The following ZNF394 variants were observed in gnomAD, a reference collection of about 807,000 sequenced individuals.
ZNF394 encodes the protein zinc finger protein 99.
ZNF394 carries 19 observed loss-of-function variants against 21.8 expected under a neutral mutation model. The observed-to-expected ratio is 0.87, with a 90% CI of 0.61 to 1.28. The LOEUF (loss-of-function observed/expected upper bound fraction) is 1.28. Ranked by LOEUF, ZNF394 falls within the 50% of genes most tolerant of loss-of-function variation. ZNF394 has a pLI of 0.00. For missense variants in ZNF394, 683 were observed against 708.6 expected (o/e 0.96, Z 0.41); for synonymous variants, 294 against 273.3 (o/e 1.08, Z -0.75).
rs891723692 is a variant in ZNF394 at position 99,500,265 on chromosome 7, G to A, written c.-172C>T. The A allele has an allele frequency of 1.7e-6, 1 of 590,240 alleles. No homozygotes were observed. The highest frequency in any genetic ancestry group is 2.7e-6 in the Non-Finnish European group (1 of 364,874). The allele number at this position is 590,240 out of a possible 1,614,324, so 36.6% of individuals were successfully genotyped here. A position where few individuals can be genotyped will look rare whatever the true frequency, so the allele number is the denominator to read the frequency against. The stretch of plus-strand genomic sequence containing the variant: ...CAGCTTTGCGCCTACAACTCTCTCG[G>A]TCAAACAACCGAAAACATCCCGTGC... On this transcript the variant is annotated 5_prime_UTR_variant, in exon 1 of 3. Transcript: ENST00000337673.
chr7:99,497,640 G>A (rs1394296588), intron 2 of ZNF394, among the ~76,000 whole-genome samples: 1 of 151,980 alleles, frequency 6.6e-6, no homozygotes, highest in African/African-American at 2.4e-5. Flanking sequence ...GAGGCAGGAG[G>A]ATCACCTGAG....
Position 99,500,069 on chromosome 7 carries a change from T to C in ZNF394, c.25A>G (p.Arg9Gly). The C allele has an allele frequency of 6.4e-7, 1 of 1,571,496 alleles. No individual in the cohort carries two copies. Among genetic ancestry groups the C allele is most frequent in the Non-Finnish European group, 8.6e-7 (1 of 1,163,526 alleles). Residue 9 changes from arginine (R) to glycine (G), a missense_variant, in exon 1 of 3, where the codon AGG becomes GGG. Arg to Gly is a moderately radical substitution (Grantham distance 125). Coordinates refer to ENST00000337673, the MANE Select transcript of ZNF394 (RefSeq NM_032164.4). Reference sequence around the variant, plus strand: ...CCCAACTCGGCGTCACTGCCGCGCCTCTGGGCGGTCAAGCTGGAATTCATC... The same window carrying C: ...CCCAACTCGGCGTCACTGCCGCGCCCCTGGGCGGTCAAGCTGGAATTCATC... MNSSLTAQ[R>G]RGSDAELGPW...
chr7:99,499,811 G>C lies in ZNF394; in HGVS notation c.283C>G (p.Pro95Ala). 1.9e-6 allele frequency: 3 copies of C among 1,614,170 alleles called. No homozygotes were observed. Among genetic ancestry groups the C allele is most frequent in the Non-Finnish European group, 2.5e-6 (3 of 1,180,040 alleles). Residue 95 changes from proline (P) to alanine (A), a missense_variant, in exon 1 of 3, where the codon CCC becomes GCC. Around this residue, in one of 3 missense-constraint regions of ZNF394, gnomAD observed 402 missense variants for 373.8 expected, o/e 1.08. Coordinates refer to ENST00000337673, the MANE Select transcript of ZNF394 (RefSeq NM_032164.4). ...LRELCRRWLRPELLSKEQILE... is the reference protein window; with the variant it reads ...LRELCRRWLRAELLSKEQILE... Reference sequence around the variant, plus strand: ...ATCTGCTCCTTGGAGAGCAGCTCGGGTCTCAGCCACCGACGACAGAGTTCT... The same window carrying C: ...ATCTGCTCCTTGGAGAGCAGCTCGGCTCTCAGCCACCGACGACAGAGTTCT...
At chr7:99,488,375 A>G (rs149868326), downstream of ZNF394, among the ~76,000 whole-genome samples, 5,123 of 151,446 alleles carry the variant, frequency 0.034, 101 homozygotes, top group Admixed American at 0.047. Context: ...CTCTACTGAA[A>G]ATACAAAAAT....
Position 99,500,145 on chromosome 7 carries a change from A to C in ZNF394, c.-52T>G. The C allele has an allele frequency of 1.3e-6, 2 of 1,501,152 alleles. No homozygotes were observed. The highest frequency in any genetic ancestry group is 1.3e-5 in the South Asian group (1 of 75,152). The allele number at this position is 1,501,152 out of a possible 1,614,324, so 93.0% of individuals were successfully genotyped here. On this transcript the variant is annotated 5_prime_UTR_variant, in exon 1 of 3. Coordinates refer to ENST00000337673, the MANE Select transcript of ZNF394 (RefSeq NM_032164.4). ...TGGAGTCTTCTTTTCAGGTGAAGAA[A>C]GAGCAAACCCAAGGAACTCATCAGC... is the stretch of plus-strand genomic sequence containing the variant.
chr7:99,487,042 A>G (rs1487176884), intron 1 of ZNF394: 1 of 1,614,084 alleles, frequency 6.2e-7, no homozygotes, highest in African/African-American at 1.3e-5. Context: ...ACATAAGAGG[A>G]TTCACACCAA....
chr7:99,487,314 C>A lies in ZNF394; in HGVS notation n.84-351G>T, dbSNP rs1275697458. On this transcript the variant is annotated intron_variant and non_coding_transcript_variant, in intron 1 of 1. Coordinates refer to the ZNF394 transcript ENST00000462024. ...AAAGAATCCATACAAAGGAGGAATT[C>A]TTTCAATGTGGAGAATGTGGGAAAA... 1.2e-6 allele frequency: 2 copies of A among 1,614,192 alleles called. No individual in the cohort carries two copies. Among genetic ancestry groups the A allele is most frequent in the Admixed American group, 1.7e-5 (1 of 60,022 alleles).
At position 99,499,663 on chromosome 7, in the gene ZNF394, C is replaced by A. The variant is rs767152207; in HGVS notation, c.431G>T (p.Arg144Leu). 1.9e-6 allele frequency: 3 copies of A among 1,603,204 alleles called. No homozygotes were observed. The South Asian group carries it at 3.3e-5, about 18-fold the overall frequency. The change falls in exon 1 of 3, where the codon CGA (arginine) becomes CTA (leucine). Residue 144 changes from arginine to leucine, a missense_variant. By Grantham distance (102) the Arg-to-Leu change is moderately radical. Coordinates refer to ENST00000337673, the MANE Select transcript of ZNF394 (RefSeq NM_032164.4). Reference protein sequence around the residue: ...EAVAVVRALQRALDGTSSQGM... With the variant: ...EAVAVVRALQLALDGTSSQGM... The stretch of plus-strand genomic sequence containing the variant: ...CTGGGATGAGGTTCCATCGAGCGCT[C>A]GCTGCAGAGCCCGCACCACGGCCAC...
At chr7:99,497,192 G>A (rs1179329946) in intron 2 of ZNF394, among the ~76,000 whole-genome samples, 4 of 135,838 alleles carry the variant, frequency 2.9e-5, no homozygotes, top group Non-Finnish European at 4.6e-5. Context: ...ACGGAGTCTT[G>A]CTCTGTCACC....
At chr7:99,497,171 T>C (rs1399020521) in intron 2 of ZNF394, among the ~76,000 whole-genome samples, 1 of 143,284 alleles carries the variant, frequency 7.0e-6, no homozygotes, top group Non-Finnish European at 1.5e-5. Context: ...GTTTTTTCTT[T>C]TTTTTTTGAG....
chr7:99,499,343 T>A (rs1359598605), intron 1 of ZNF394, among the ~76,000 whole-genome samples: 1 of 146,358 alleles, frequency 6.8e-6, no homozygotes, highest in Non-Finnish European at 1.5e-5. Context: ...GCCATTGCAC[T>A]CCAGCCTGGG....
rs1800056773 is a variant in ZNF394, at chr7:99,487,854, CG to C, written n.84-892del. ...TTGGGAGGCCGAGGTGGGCGGATCA[CG>C]AGGTCAGGAGATCAAGACCATCCTG... On this transcript the variant is annotated intron_variant and non_coding_transcript_variant, in intron 1 of 1. Transcript: ENST00000462024. 3.3e-5 allele frequency among the ~76,000 whole-genome samples: 5 copies of C among 151,728 alleles called. No homozygotes were observed. The South Asian group carries it at 8.3e-4, about 25-fold the overall frequency.
intron 2 of ZNF394, among the ~76,000 whole-genome samples, chr7:99,497,142 G>A (rs13438223): frequency 0.21 from 22,175 of 103,988 alleles, 3,944 homozygotes; most frequent in African/African-American, 0.57. Context: ...ATATATATAT[G>A]TATATATATA....
intron 1 of ZNF394, among the ~76,000 whole-genome samples, chr7:99,499,302 G>C (rs1800441154): frequency 1.3e-5 from 2 of 151,730 alleles, no homozygotes; most frequent in South Asian, 4.2e-4. Context: ...CTTGAACCCG[G>C]GAGTCAGAGG....
At position 99,493,752 on chromosome 7, in the gene ZNF394, TG is replaced by T. The variant is rs1423404182; in HGVS notation, c.1462del (p.His488ThrfsTer88). On this transcript the variant is annotated frameshift_variant, in exon 3 of 3. Transcript: ENST00000337673. LOFTEE classifies it low-confidence loss of function (END_TRUNC). ...GGGCTTCTCCCCAGTGTGGATTCTG[TG>T]GTGTTTAAAGAGGTCAGAGCGCTGT... is the stretch of plus-strand genomic sequence containing the variant. ...FKQRSDLFKHHRIHTGEKPYG... is the reference protein window; with the variant it reads ...FKQRSDLFKHXRIHTGEKPYG... 1.9e-6 allele frequency: 3 copies of T among 1,614,042 alleles called. No homozygotes were observed. The highest frequency in any genetic ancestry group is 1.7e-5 in the Admixed American group (1 of 59,990).
In ZNF394 at chr7:99,487,224, G is replaced by A. The variant is rs146075689; in HGVS notation, n.84-261C>T. 2.8e-4 allele frequency: 449 copies of A among 1,614,134 alleles called. 3 individuals are homozygous for A. In the South Asian group the frequency reaches 3.9e-3, roughly 14 times the overall value. On this transcript the variant is annotated intron_variant and non_coding_transcript_variant, in intron 1 of 1. Coordinates refer to the ZNF394 transcript ENST00000462024. ...GTCATCAACAGATTCACAGTAAACCGAACACCCATAAATGCAGTGAATGTG... is the reference window on the plus strand; with the variant it reads ...GTCATCAACAGATTCACAGTAAACCAAACACCCATAAATGCAGTGAATGTG...
In ZNF394 at chr7:99,500,004, C is replaced by T. The variant is rs769530636; in HGVS notation, c.90G>A (p.Pro30=). The stretch of plus-strand genomic sequence containing the variant: ...CGGGCAAAAGTCCGTCGCGTTGGGA[C>T]GGCGCCGCGTCCTTGGACCTCGCAG... ...VMAARSKDAA[P]SQRDGLLPVK... is the part of the protein sequence containing the mutation. Residue 30 remains proline (P), a synonymous_variant, in exon 1 of 3, where the codon CCG becomes CCA. Coordinates refer to ENST00000337673, the MANE Select transcript of ZNF394 (RefSeq NM_032164.4). 6 of 1,610,396 alleles carry T rather than the reference C, an allele frequency of 3.7e-6. No individual in the cohort carries two copies. Among genetic ancestry groups the T allele is most frequent in the Non-Finnish European group, 5.1e-6 (6 of 1,179,674 alleles).
At chr7:99,490,954 C>T (rs550075015), downstream of ZNF394, among the ~76,000 whole-genome samples, 4 of 152,112 alleles carry the variant, frequency 2.6e-5, no homozygotes, top group Non-Finnish European at 4.4e-5. Flanking sequence ...CCAGAAGCCA[C>T]CTACACCCAG....
downstream of ZNF394, among the ~76,000 whole-genome samples, chr7:99,491,515 A>T (rs531901976): frequency 3.2e-4 from 49 of 152,192 alleles, 1 homozygote; most frequent in South Asian, 8.7e-3. Flanking sequence ...AACTGGAAAG[A>T]CCAAGGCATG....
Sources: allele counts gnomAD v4.1 joint callset (sites outside exome capture counted in the v4.1 genomes callset), GRCh38; gene constraint gnomAD v4.1.1; regional missense constraint gnomAD v4.1.1; transcripts MANE v1.5; gene names NCBI Gene and HGNC (gene_info 2026-07-23, HGNC 2026-07-21).